WNT2: variants seen among roughly 807,000 people sequenced by gnomAD.
WNT2 encodes protein Wnt-2.
Under a neutral mutation model 36.9 loss-of-function variants are expected in WNT2, and 12 were observed. The observed-to-expected ratio is 0.33, with a 90% CI of 0.21 to 0.53. WNT2 has a LOEUF of 0.53. Among genes scored for constraint, WNT2 ranks in the 20% least tolerant of loss-of-function variants. The probability of loss-of-function intolerance (pLI) is 0.95; values close to 1 mark genes in which losing one functional copy is unlikely to be tolerated. For missense variants in WNT2, 379 were observed against 473.1 expected (o/e 0.80, Z 1.84); for synonymous variants, 163 against 174.6 (o/e 0.93, Z 0.52).
chr7:117,300,356 T>G (rs1360137598), intron 3 of WNT2, among the ~76,000 whole-genome samples: 2 of 152,100 alleles, frequency 1.3e-5, no homozygotes, highest in Non-Finnish European at 2.9e-5. Flanking sequence ...CTGGCTAAGT[T>G]TTGTATTTTT....
intron 3 of WNT2, among the ~76,000 whole-genome samples, chr7:117,299,686 G>T (rs1794864906): frequency 6.6e-6 from 1 of 151,818 alleles, no homozygotes; most frequent in African/African-American, 2.4e-5. Flanking sequence ...GTAGAGATGG[G>T]GGTCTCACTG....
At chr7:117,290,011 G>A (rs897171759) in intron 4 of WNT2, among the ~76,000 whole-genome samples, 1 of 152,014 alleles carries the variant, frequency 6.6e-6, no homozygotes, top group Non-Finnish European at 1.5e-5. Flanking sequence ...GAGATGAGGA[G>A]GGCTGGGGGA....
intron 3 of WNT2, among the ~76,000 whole-genome samples, chr7:117,313,306 C>T (rs1795156927): frequency 6.6e-6 from 1 of 152,224 alleles, no homozygotes; most frequent in South Asian, 2.1e-4. Flanking sequence ...AAAGTCTGCC[C>T]ACCCACCATT....
At chr7:117,301,931 C>T (rs770535660) in intron 3 of WNT2, among the ~76,000 whole-genome samples, 1 of 151,602 alleles carries the variant, frequency 6.6e-6, no homozygotes, top group Non-Finnish European at 1.5e-5. Context: ...CCTCAGCCTC[C>T]TGAGTAGCTG....
intron 3 of WNT2, among the ~76,000 whole-genome samples, chr7:117,312,424 C>T (rs1269524484): frequency 6.6e-6 from 1 of 152,276 alleles, no homozygotes; most frequent in South Asian, 2.1e-4. Flanking sequence ...TTAAAAGGTG[C>T]TTGTTTGCAA....
chr7:117,296,250 C>T (rs969226557), intron 4 of WNT2, among the ~76,000 whole-genome samples: 2 of 152,194 alleles, frequency 1.3e-5, no homozygotes, highest in African/African-American at 2.4e-5. Context: ...AGGAATGCAG[C>T]GGGGCACAGC....
chr7:117,281,751 A>G (rs890016329), intron 4 of WNT2, among the ~76,000 whole-genome samples: 1 of 152,170 alleles, frequency 6.6e-6, no homozygotes, highest in Non-Finnish European at 1.5e-5. Flanking sequence ...AGGGTGAACC[A>G]CTAGAACTTG....
At chr7:117,302,094 C>A (rs1200258324) in intron 3 of WNT2, among the ~76,000 whole-genome samples, 1 of 151,890 alleles carries the variant, frequency 6.6e-6, no homozygotes, top group Non-Finnish European at 1.5e-5. Context: ...CTGTGCCCAA[C>A]CCCCTCCATT....
At chr7:117,318,797 C>T (rs148303423) in intron 2 of WNT2, among the ~76,000 whole-genome samples, 1 of 152,172 alleles carries the variant, frequency 6.6e-6, no homozygotes, top group African/African-American at 2.4e-5. Flanking sequence ...TAGGAGTGAG[C>T]CTGGCTGTTA....
intron 2 of WNT2, among the ~76,000 whole-genome samples, chr7:117,316,686 T>TA (rs1161186012): frequency 6.6e-6 from 1 of 152,222 alleles, no homozygotes; most frequent in Non-Finnish European, 1.5e-5. Flanking sequence ...AAATGGCACT[T>TA]ACCTCAGCTT....
intron 4 of WNT2, among the ~76,000 whole-genome samples, chr7:117,295,652 T>G (rs1794775646): frequency 6.6e-6 from 1 of 152,178 alleles, no homozygotes; most frequent in Non-Finnish European, 1.5e-5. Flanking sequence ...CTCTTATATT[T>G]GAAATAAGGT....
chr7:117,320,808 C>G lies in WNT2; in HGVS notation c.84-15G>C. ...CTCTCATGTACCTATAAGGGACCAA[C>G]CAACACAGAGGTGAGGGCAACGTGA... is the stretch of plus-strand genomic sequence containing the variant. On this transcript the variant is annotated splice_polypyrimidine_tract_variant and intron_variant, in intron 1 of 4. Coordinates refer to ENST00000265441, the MANE Select transcript of WNT2 (RefSeq NM_003391.3). 1 of 1,598,890 alleles carries G rather than the reference C, an allele frequency of 6.3e-7. No homozygotes were observed. Among genetic ancestry groups the G allele is most frequent in the East Asian group, 2.2e-5 (1 of 44,662 alleles).
intron 4 of WNT2, among the ~76,000 whole-genome samples, chr7:117,295,100 AAAGAG>A (rs749905665): frequency 7.9e-5 from 12 of 151,912 alleles, no homozygotes; most frequent in Non-Finnish European, 1.0e-4. Context: ...CAAAAAAAGA[AAAGAG>A]AAGAGAAGAG....
intron 3 of WNT2, among the ~76,000 whole-genome samples, 170 bp from the exon 4 acceptor site, chr7:117,298,046 C>T (rs1177909223): frequency 6.6e-6 from 1 of 152,152 alleles, no homozygotes; most frequent in East Asian, 1.9e-4. Context: ...CATTAGCCAC[C>T]TGCCCTGACT....
intron 4 of WNT2, among the ~76,000 whole-genome samples, chr7:117,283,319 T>C (rs1266221701): frequency 6.6e-6 from 1 of 152,232 alleles, no homozygotes; most frequent in Non-Finnish European, 1.5e-5. Flanking sequence ...TTTTTGTTAT[T>C]GTTCACATGC....
intron 4 of WNT2, among the ~76,000 whole-genome samples, 162 bp from the exon 5 acceptor site, chr7:117,278,546 C>T (rs1563196856): frequency 6.6e-6 from 1 of 152,236 alleles, no homozygotes; most frequent in Admixed American, 6.5e-5. Flanking sequence ...GCCATGTGTG[C>T]AAATCCCATT....
chr7:117,310,093 A>G (rs1396547004), intron 3 of WNT2, among the ~76,000 whole-genome samples: 1 of 152,154 alleles, frequency 6.6e-6, no homozygotes, highest in African/African-American at 2.4e-5. Flanking sequence ...TTTTTAAGTC[A>G]TGAACTCAAG....
At chr7:117,302,600 C>T (rs1023435481) in intron 3 of WNT2, among the ~76,000 whole-genome samples, 4 of 152,178 alleles carry the variant, frequency 2.6e-5, no homozygotes, top group African/African-American at 9.7e-5. Flanking sequence ...GAAGGATACA[C>T]ACCCACATGG....
At chr7:117,281,538 C>T (rs1469210559) in intron 4 of WNT2, among the ~76,000 whole-genome samples, 1 of 152,154 alleles carries the variant, frequency 6.6e-6, no homozygotes, top group Non-Finnish European at 1.5e-5. Context: ...CACGCCTGGC[C>T]TAAAGGGTCT....
Sources: allele counts gnomAD v4.1 joint callset (sites outside exome capture counted in the v4.1 genomes callset), GRCh38; gene constraint gnomAD v4.1.1; transcripts MANE v1.5; gene names NCBI Gene and HGNC (gene_info 2026-07-23, HGNC 2026-07-21).